The following CDK6 variants were observed in gnomAD, a reference collection of about 807,000 sequenced individuals.
CDK6 encodes the protein cyclin-dependent kinase 6.
In CDK6, 6 loss-of-function variants were observed where a neutral mutation model predicts 37.1. That is an observed-to-expected ratio of 0.16 (90% CI 0.09 to 0.32). The LOEUF is 0.32. Among genes scored for constraint, CDK6 ranks in the 10% least tolerant of loss-of-function variants. The pLI, the probability that CDK6 is intolerant of heterozygous loss-of-function variation, is 1.00. For missense variants in CDK6, 224 were observed against 418.9 expected (o/e 0.53, Z 4.06); for synonymous variants, 160 against 161.3 (o/e 0.99, Z 0.06).
At chr7:92,708,449 C>A (rs112618555) in intron 4 of CDK6, among the ~76,000 whole-genome samples, 4 of 152,156 alleles carry the variant, frequency 2.6e-5, no homozygotes, top group African/African-American at 9.6e-5. Context: ...CATTACATAA[C>A]CCTCATTAGG....
Position 92,708,646 on chromosome 7 carries a change from A to G in CDK6, c.537+16980T>C, listed in dbSNP as rs1430478662. Reference sequence around the variant, plus strand: ...CATTTAAGTCCTGATAAAAAGAAATATATTTTTTAAAAGGCTCTGTTTGTA... The same window carrying G: ...CATTTAAGTCCTGATAAAAAGAAATGTATTTTTTAAAAGGCTCTGTTTGTA... On this transcript the variant is annotated intron_variant, in intron 4 of 7. Transcript: ENST00000424848. Among the ~76,000 whole-genome samples the G allele has an allele frequency of 3.3e-5, 5 of 152,300 alleles. No homozygotes were observed. The East Asian group carries it at 9.6e-4, about 29-fold the overall frequency.
intron 2 of CDK6, among the ~76,000 whole-genome samples, chr7:92,816,128 G>T (rs1246933204): frequency 1.3e-5 from 2 of 152,100 alleles, no homozygotes; most frequent in Non-Finnish European, 2.9e-5. Context: ...ACAAAATCCA[G>T]CAGTTGACAA....
intron 4 of CDK6, among the ~76,000 whole-genome samples, chr7:92,707,180 T>C (rs1036225631): frequency 2.6e-5 from 4 of 152,214 alleles, no homozygotes; most frequent in African/African-American, 7.2e-5. Flanking sequence ...AATTTAATTA[T>C]AGGACTTCAC....
At chr7:92,626,753 T>C (rs143669151) in intron 5 of CDK6, among the ~76,000 whole-genome samples, 7 of 152,100 alleles carry the variant, frequency 4.6e-5, no homozygotes, top group Admixed American at 1.3e-4. Flanking sequence ...AATGTGAACA[T>C]GACTTGAGAG....
intron 3 of CDK6, among the ~76,000 whole-genome samples, chr7:92,726,095 A>C (rs1798506063): frequency 6.6e-6 from 1 of 152,186 alleles, no homozygotes; most frequent in South Asian, 2.1e-4. Flanking sequence ...TCAGTGGCTC[A>C]TGCTGGGGAG....
chr7:92,697,363 C>T (rs1013757349), intron 4 of CDK6, among the ~76,000 whole-genome samples: 7 of 152,178 alleles, frequency 4.6e-5, no homozygotes, highest in East Asian at 3.9e-4. Context: ...GAAAAACAGT[C>T]GAAGTTTATC....
At chr7:92,825,953 CA>C (rs2116001025) in intron 2 of CDK6, among the ~76,000 whole-genome samples, 1 of 152,202 alleles carries the variant, frequency 6.6e-6, no homozygotes, top group Admixed American at 6.5e-5. Context: ...TGGAGTAAGA[CA>C]AAAATGAAAC....
chr7:92,660,951 T>C (rs1796821014), intron 5 of CDK6, among the ~76,000 whole-genome samples: 1 of 152,152 alleles, frequency 6.6e-6, no homozygotes, highest in South Asian at 2.1e-4. Flanking sequence ...ATCTATATCT[T>C]ATCTAGATAG....
chr7:92,738,443 T>G (rs1383668540), intron 3 of CDK6, among the ~76,000 whole-genome samples: 3 of 152,062 alleles, frequency 2.0e-5, no homozygotes, highest in Non-Finnish European at 4.4e-5. Context: ...AGTTTGAGAC[T>G]AGCCTGACCA....
intron 2 of CDK6, among the ~76,000 whole-genome samples, chr7:92,810,978 A>G (rs1324213628): frequency 6.6e-6 from 1 of 152,094 alleles, no homozygotes; most frequent in Non-Finnish European, 1.5e-5. Context: ...AGGCAGGAGA[A>G]TTGCTTGAAC....
At chr7:92,814,635 T>G (rs1023574894) in intron 2 of CDK6, among the ~76,000 whole-genome samples, 5 of 149,728 alleles carry the variant, frequency 3.3e-5, no homozygotes, top group African/African-American at 1.2e-4. Context: ...CAGTTCAAAA[T>G]GGTGGACCTA....
intron 2 of CDK6, among the ~76,000 whole-genome samples, chr7:92,826,389 G>A (rs1395599140): frequency 2.6e-5 from 4 of 152,070 alleles, no homozygotes; most frequent in East Asian, 1.9e-4. Context: ...TATCCAAATC[G>A]AGGTATTAAG....
rs555659398 is a variant in CDK6 at position 92,817,519 on chromosome 7, T to C, written c.233+15572A>G. On this transcript the variant is annotated intron_variant, in intron 2 of 7. Coordinates refer to ENST00000424848, the MANE Select transcript of CDK6 (RefSeq NM_001145306.2). ...CTTCATCAATCTGATAAAGGACACCTAGGAAAACTTACAGCTAACATCATA... is the reference window on the plus strand; with the variant it reads ...CTTCATCAATCTGATAAAGGACACCCAGGAAAACTTACAGCTAACATCATA... Among the ~76,000 whole-genome samples, 5 of 152,038 alleles carry C rather than the reference T, an allele frequency of 3.3e-5. No individual in the cohort carries two copies. The South Asian group carries it at 1.0e-3, about 31-fold the overall frequency.
At chr7:92,683,828 A>C (rs1378866223) in intron 4 of CDK6, among the ~76,000 whole-genome samples, 5 of 152,242 alleles carry the variant, frequency 3.3e-5, no homozygotes, top group Non-Finnish European at 5.9e-5. Context: ...TAAAACTGCA[A>C]ACAGAAAAGG....
chr7:92,658,111 T>C (rs1474358121), intron 5 of CDK6, among the ~76,000 whole-genome samples: 1 of 152,194 alleles, frequency 6.6e-6, no homozygotes, highest in Non-Finnish European at 1.5e-5. Context: ...ACAACCTTTC[T>C]TCATCTTTGA....
chr7:92,636,261 T>C (rs997813160), intron 5 of CDK6, among the ~76,000 whole-genome samples: 1 of 152,134 alleles, frequency 6.6e-6, no homozygotes, highest in African/African-American at 2.4e-5. Flanking sequence ...GGTTTTGCCA[T>C]GTTGCTCAGG....
chr7:92,608,112 G>A lies in CDK6; in HGVS notation c.*7028C>T, dbSNP rs42032. 0.26 allele frequency: 60,016 copies of A among 232,676 alleles called. 8,498 individuals are homozygous for A. The highest frequency in any genetic ancestry group is 0.35 in the African/African-American group (15,708 of 45,296). The allele number at this position is 232,676 out of a possible 1,614,324, so 14.4% of individuals were successfully genotyped here. On this transcript the variant is annotated 3_prime_UTR_variant, in exon 8 of 8. Transcript: ENST00000424848. ...AGCACATCAACGGAATTTTTCTAGG[G>A]ACCACAGAGAGTTAGAAATTAAATA...
intron 3 of CDK6, among the ~76,000 whole-genome samples, chr7:92,743,891 T>A (rs963022274): frequency 1.3e-5 from 2 of 152,140 alleles, no homozygotes; most frequent in African/African-American, 4.8e-5. Flanking sequence ...GGGAGGGAGT[T>A]ATAGACTGGG....
At chr7:92,645,978 G>C (rs1424477607) in intron 5 of CDK6, among the ~76,000 whole-genome samples, 1 of 152,166 alleles carries the variant, frequency 6.6e-6, no homozygotes, top group African/African-American at 2.4e-5. Flanking sequence ...CGGTGATTGT[G>C]CATACACGAC....
Sources: allele counts gnomAD v4.1 joint callset (sites outside exome capture counted in the v4.1 genomes callset), GRCh38; gene constraint gnomAD v4.1.1; transcripts MANE v1.5; gene names NCBI Gene and HGNC (gene_info 2026-07-23, HGNC 2026-07-21).